The following STAU2 variants were observed in gnomAD, a reference collection of about 807,000 sequenced individuals.
STAU2 encodes double-stranded RNA-binding protein Staufen homolog 2.
A neutral mutation model predicts 65.9 loss-of-function variants in STAU2; 20 were observed. The observed-to-expected ratio is 0.30, with a 90% CI of 0.21 to 0.44. The LOEUF (loss-of-function observed/expected upper bound fraction) is 0.44. STAU2 is among the 20% of genes least tolerant of loss of function. The pLI, the probability that STAU2 is intolerant of heterozygous loss-of-function variation, is 1.00. For missense variants in STAU2, 558 were observed against 683.9 expected, an observed-to-expected ratio of 0.82 and a Z score of 2.05; for synonymous variants, 232 against 233.9, an observed-to-expected ratio of 0.99 and a Z score of 0.07.
At chr8:73,435,707 A>G (rs1283307209) in intron 13 of STAU2, among the ~76,000 whole-genome samples, 1 of 152,008 alleles carries the variant, frequency 6.6e-6, no homozygotes, top group African/African-American at 2.4e-5. Flanking sequence ...GATGTCAGTC[A>G]TCTGAGATCT....
chr8:73,744,626 G>A (rs1807148087), intron 1 of STAU2, among the ~76,000 whole-genome samples: 1 of 152,010 alleles, frequency 6.6e-6, no homozygotes, highest in South Asian at 2.1e-4. Context: ...TTGTTGAAAA[G>A]CAAACCAAGC....
chr8:73,654,654 A>AAAAAAAAAAAAAAAAAAAAAAAAAAC (rs1816174142), intron 6 of STAU2, among the ~76,000 whole-genome samples: 1 of 141,206 alleles, frequency 7.1e-6, no homozygotes, highest in Non-Finnish European at 1.5e-5. Flanking sequence ...AAAAAAAAAA[A>AAAAAAAAAAAAAAAAAAAAAAAAAAC]AAAAAAAGAA....
intron 4 of STAU2, among the ~76,000 whole-genome samples, chr8:73,699,720 T>C (rs932709915): frequency 4.6e-4 from 70 of 152,144 alleles, no homozygotes; most frequent in African/African-American, 1.6e-3. Context: ...ACAGCTTTAC[T>C]GCTGAATTCT....
At chr8:73,734,800 T>A (rs58064868) in intron 3 of STAU2, among the ~76,000 whole-genome samples, 47,702 of 150,340 alleles carry the variant, frequency 0.32, 8,766 homozygotes, top group African/African-American at 0.5. Flanking sequence ...TCTCAAAAAA[T>A]AAAAAATAAA....
At chr8:73,705,441 A>T (rs1820443694) in intron 4 of STAU2, among the ~76,000 whole-genome samples, 1 of 152,344 alleles carries the variant, frequency 6.6e-6, no homozygotes, top group South Asian at 2.1e-4. Flanking sequence ...CTTGAAACTT[A>T]GCCAGGCTTA....
intron 13 of STAU2, among the ~76,000 whole-genome samples, chr8:73,482,696 T>A (rs1820695926): frequency 6.6e-6 from 1 of 152,142 alleles, no homozygotes; most frequent in East Asian, 1.9e-4. Context: ...ATTTTCATGG[T>A]CAGAGAAATT....
chr8:73,424,858 G>A (rs977260174), intron 13 of STAU2, among the ~76,000 whole-genome samples: 5 of 151,856 alleles, frequency 3.3e-5, no homozygotes, highest in African/African-American at 1.2e-4. Context: ...AGGTGCTAAT[G>A]TGAGTGCCCA....
chr8:73,713,990 A>G (rs960412214), intron 3 of STAU2, among the ~76,000 whole-genome samples: 1 of 151,332 alleles, frequency 6.6e-6, no homozygotes, highest in Non-Finnish European at 1.5e-5. Flanking sequence ...TGCAACCTCC[A>G]CCTCCTGGAT....
Position 73,709,168 on chromosome 8 carries a change from A to G in STAU2, c.-17-6T>C. On this transcript the variant is annotated splice_region_variant and splice_polypyrimidine_tract_variant and intron_variant, in intron 3 of 14. Transcript: ENST00000524300. ...CATTTTATCTTGGAGAGAAGCTGTA[A>G]ATAAAAAGGCTATAAAGTTTTTGTG... is the stretch of plus-strand genomic sequence containing the variant. 7.3e-6 allele frequency: 11 copies of G among 1,506,516 alleles called. No individual in the cohort carries two copies. Among genetic ancestry groups the G allele is most frequent in the Non-Finnish European group, 9.7e-6 (11 of 1,132,330 alleles). The allele number at this position is 1,506,516 out of a possible 1,614,324, so 93.3% of individuals were successfully genotyped here.
At chr8:73,527,398 A>T (rs1002894362) in intron 13 of STAU2, 10 of 258,504 alleles carry the variant, frequency 3.9e-5, no homozygotes, top group African/African-American at 6.5e-5. Flanking sequence ...CCTTCCTCTC[A>T]TATATAACTA....
intron 6 of STAU2, among the ~76,000 whole-genome samples, chr8:73,667,993 T>C (rs1354961244): frequency 6.6e-6 from 1 of 152,206 alleles, no homozygotes; most frequent in African/African-American, 2.4e-5. Context: ...CGGAGTAGTT[T>C]GGATGGGGCT....
intron 13 of STAU2, chr8:73,550,875 C>G: frequency 1.0e-6 from 1 of 987,410 alleles, no homozygotes; most frequent in African/African-American, 1.7e-5. Context: ...TCCGAACATG[C>G]AAAATACCCC....
chr8:73,449,696 G>T (rs1818688635), intron 13 of STAU2, among the ~76,000 whole-genome samples: 1 of 152,210 alleles, frequency 6.6e-6, no homozygotes, highest in Non-Finnish European at 1.5e-5. Context: ...GAGGCCTGCA[G>T]GACAGATTAA....
chr8:73,567,512 A>T (rs930286040), intron 12 of STAU2, among the ~76,000 whole-genome samples: 5 of 149,672 alleles, frequency 3.3e-5, no homozygotes, highest in Non-Finnish European at 7.4e-5. Context: ...AAAAACGATT[A>T]AAAAAATTGA....
chr8:73,594,635 T>TTACTGTTAATGCTGTTAATGCAACA (rs1811055388), intron 11 of STAU2, among the ~76,000 whole-genome samples: 1 of 152,216 alleles, frequency 6.6e-6, no homozygotes, highest in South Asian at 2.1e-4. Flanking sequence ...GTGTTAATGA[T>TTACTGTTAATGCTGTTAATGCAACA]GTCATTAACT....
At chr8:73,740,615 C>CT (rs753732890) in intron 1 of STAU2, among the ~76,000 whole-genome samples, 60 of 151,252 alleles carry the variant, frequency 4.0e-4, no homozygotes, top group Non-Finnish European at 5.9e-4. Flanking sequence ...AACCAATCAT[C>CT]TTTTTTTTTA....
intron 6 of STAU2, among the ~76,000 whole-genome samples, chr8:73,667,640 C>T (rs1817335548): frequency 6.6e-6 from 1 of 152,124 alleles, no homozygotes. Context: ...CATCGGGGCA[C>T]ATCTATCATT....
chr8:73,444,332 G>A (rs1038723410), intron 13 of STAU2, among the ~76,000 whole-genome samples: 1 of 151,430 alleles, frequency 6.6e-6, no homozygotes, highest in African/African-American at 2.4e-5. Flanking sequence ...CTTGAATCCA[G>A]GAGGTGGAGG....
intron 9 of STAU2, among the ~76,000 whole-genome samples, chr8:73,605,584 C>T (rs965334462): frequency 2.6e-5 from 4 of 151,852 alleles, no homozygotes; most frequent in African/African-American, 4.8e-5. Flanking sequence ...GCTCAGATTA[C>T]GGGCATGAGC....
Sources: gnomAD v4.1 joint callset for allele counts (sites outside exome capture counted in the v4.1 genomes callset) on GRCh38, gnomAD v4.1.1 for gene constraint, MANE v1.5 for transcripts, NCBI Gene and HGNC (gene_info 2026-07-23, HGNC 2026-07-21) for gene names.